Variants in KBTBD2 observed in about 807,000 individuals in gnomAD.
KBTBD2 encodes the protein kelch repeat and BTB domain-containing protein 2.
Under a neutral mutation model 57.1 loss-of-function variants are expected in KBTBD2, and 17 were observed. That is an observed-to-expected ratio of 0.30 (90% CI 0.20 to 0.45). KBTBD2 has a LOEUF of 0.45. Among genes scored for constraint, KBTBD2 ranks in the 20% least tolerant of loss-of-function variants. The probability of loss-of-function intolerance (pLI) is 1.00; values close to 1 mark genes in which losing one functional copy is unlikely to be tolerated. For synonymous variants in KBTBD2, 267 were observed against 262.7 expected (o/e 1.02, Z -0.16); for missense variants, 515 against 750.6 (o/e 0.69, Z 3.67).
At chr7:32,889,531 G>A (rs1317457426) in intron 1 of KBTBD2, among the ~76,000 whole-genome samples, 1 of 152,014 alleles carries the variant, frequency 6.6e-6, no homozygotes. Context: ...AACCCTGAAG[G>A]CGGAGGTTGC....
At chr7:32,891,882 C>T (rs1334837580), upstream of KBTBD2, 3 of 127,374 alleles carry the variant, frequency 2.4e-5, no homozygotes, top group African/African-American at 9.0e-5. Context: ...GGGCCCGCCG[C>T]CCCCGCCGCC....
chr7:32,890,353 C>T (rs978921908), intron 1 of KBTBD2, among the ~76,000 whole-genome samples: 1 of 152,188 alleles, frequency 6.6e-6, no homozygotes. Flanking sequence ...TAGAAAACAA[C>T]CGACTGGCTT....
At position 32,884,995 on chromosome 7, in the gene KBTBD2, T is replaced by C. The variant is rs544437360; in HGVS notation, c.-338-5053A>G. Among the ~76,000 whole-genome samples the C allele has an allele frequency of 1.3e-3, 99 of 76,730 alleles. 1 individual carries two copies. The highest frequency in any genetic ancestry group is 4.1e-3 in the South Asian group (8 of 1,964). The allele number at this position is 76,730 out of a possible 152,430, so 50.3% of individuals were successfully genotyped here. ...GTGTGTGTATATATATATATACACA[T>C]ATATGTGTATATATATATATATACA... On this transcript the variant is annotated intron_variant, in intron 1 of 3. Transcript: ENST00000304056.
chr7:32,870,751 C>G lies in KBTBD2; in HGVS notation c.466G>C (p.Val156Leu), dbSNP rs1318261254. ...EELKQSAKRMVEHKFTAVYHQ... is the reference protein window; with the variant it reads ...EELKQSAKRMLEHKFTAVYHQ... Reference sequence around the variant, plus strand: ...TACACAGCAGTGAACTTGTGCTCCACCATTCTTTTAGCACTCTGTTTTAAT... The same window carrying G: ...TACACAGCAGTGAACTTGTGCTCCAGCATTCTTTTAGCACTCTGTTTTAAT... Residue 156 changes from valine (V) to leucine (L), a missense_variant, in exon 4 of 4, where the codon GTG (valine) becomes CTG (leucine). Transcript: ENST00000304056. 5 of 1,614,054 alleles carry G rather than the reference C, an allele frequency of 3.1e-6. No individual in the cohort carries two copies. In the African/African-American group the frequency reaches 5.3e-5, roughly 17 times the overall value.
chr7:32,888,477 TTTG>T (rs933821913), intron 1 of KBTBD2, among the ~76,000 whole-genome samples: 2 of 152,152 alleles, frequency 1.3e-5, no homozygotes, highest in African/African-American at 4.8e-5. Flanking sequence ...GAAAAGACCA[TTTG>T]TTTTTTAGAT....
rs1287318558 is a variant in KBTBD2, at chr7:32,869,878, C to T, written c.1339G>A (p.Asp447Asn). ...CTCATGGCCATTTCTACCCATGAGT[C>T]AGACCTTGGAAAATAACAGTACATG... ...NLMYCYFPRS[D>N]SWVEMAMRQT... The change falls in exon 4 of 4, where the codon GAC becomes AAC. Residue 447 changes from aspartate to asparagine, a missense_variant. By Grantham distance (23) the Asp-to-Asn change is conservative. Transcript: ENST00000304056. The T allele has an allele frequency of 6.2e-7, 1 of 1,613,754 alleles. No individual in the cohort carries two copies. Among genetic ancestry groups the T allele is most frequent in the East Asian group, 2.2e-5 (1 of 44,882 alleles).
At chr7:32,883,253 C>G (rs1231054605) in intron 1 of KBTBD2, among the ~76,000 whole-genome samples, 1 of 152,082 alleles carries the variant, frequency 6.6e-6, no homozygotes, top group African/African-American at 2.4e-5. Context: ...TGGCTCATGC[C>G]TGTAATACTA....
intron 1 of KBTBD2, among the ~76,000 whole-genome samples, chr7:32,889,859 T>C (rs1583796843): frequency 6.6e-6 from 1 of 152,206 alleles, no homozygotes; most frequent in Non-Finnish European, 1.5e-5. Context: ...CATTTGGCTT[T>C]TAAGACTGCA....
At position 32,868,526 on chromosome 7, in the gene KBTBD2, T is replaced by A. The variant is rs979325293; in HGVS notation, c.*819A>T. The A allele has an allele frequency of 6.6e-6, 1 of 152,618 alleles. No individual in the cohort carries two copies. Among genetic ancestry groups the A allele is most frequent in the Non-Finnish European group, 1.5e-5 (1 of 68,044 alleles). The allele number at this position is 152,618 out of a possible 1,614,324, so 9.5% of individuals were successfully genotyped here. A position where few individuals can be genotyped will look rare whatever the true frequency, so the allele number is the denominator to read the frequency against. On this transcript the variant is annotated 3_prime_UTR_variant, in exon 4 of 4. Coordinates refer to ENST00000304056, the MANE Select transcript of KBTBD2 (RefSeq NM_015483.3). ...AGATGTAATGACCTGGTTAACCCAC[T>A]CTAAATCTTGAAGATGGAGAACTAC...
At chr7:32,875,830 G>A (rs562770840) in intron 2 of KBTBD2, among the ~76,000 whole-genome samples, 4 of 152,102 alleles carry the variant, frequency 2.6e-5, no homozygotes, top group South Asian at 4.2e-4. Flanking sequence ...TATATAAAAC[G>A]TCTAAAAAAG....
chr7:32,869,837 G>A lies in KBTBD2; in HGVS notation c.1380C>T (p.Ser460=), dbSNP rs757292018. Reference sequence around the variant, plus strand: ...CACCAAAAGCTGCAGCTGAAGCAAAGGACCTACTAGTCTGTCTCATGGCCA... The same window carrying A: ...CACCAAAAGCTGCAGCTGAAGCAAAAGACCTACTAGTCTGTCTCATGGCCA... ...VEMAMRQTSR[S]FASAAAFGDK... The change falls in exon 4 of 4, where the codon TCC becomes TCT. Residue 460 remains serine, a synonymous_variant. Transcript: ENST00000304056. 3 of 1,613,626 alleles carry A rather than the reference G, an allele frequency of 1.9e-6. No individual in the cohort carries two copies. The Admixed American group carries it at 5.0e-5, about 27-fold the overall frequency.
At chr7:32,876,940 A>G (rs796767811) in intron 2 of KBTBD2, among the ~76,000 whole-genome samples, 1 of 152,134 alleles carries the variant, frequency 6.6e-6, no homozygotes, top group South Asian at 2.1e-4. Context: ...CCGGGCAACA[A>G]AAGTGAAACT....
At position 32,870,338 on chromosome 7, in the gene KBTBD2, T is replaced by G; in HGVS notation, c.879A>C (p.Glu293Asp). 1 of 1,613,784 alleles carries G rather than the reference T, an allele frequency of 6.2e-7. No homozygotes were observed. Among genetic ancestry groups the G allele is most frequent in the Non-Finnish European group, 8.5e-7 (1 of 1,179,860 alleles). The stretch of plus-strand genomic sequence containing the variant: ...GTGGGCTACATAACTTGTAAACTTT[T>G]TCTGCTTGGGGGCTGTAACAGACAG... ...YSSVCYSPQA[E>D]KVYKLCSPPA... Residue 293 changes from glutamate to aspartate, a missense_variant, in exon 4 of 4, where the codon GAA becomes GAC. By Grantham distance (45) the Glu-to-Asp change is conservative. Coordinates refer to ENST00000304056, the MANE Select transcript of KBTBD2 (RefSeq NM_015483.3).
Position 32,876,754 on chromosome 7 carries a change from G to A in KBTBD2, c.171-1597C>T, listed in dbSNP as rs144895370. On this transcript the variant is annotated intron_variant, in intron 2 of 3. Transcript: ENST00000304056. ...GCAGATCATCTTAGGCCAGGAGCTC[G>A]ACACTAGCCTGGCCAACATGGTGAA... Among the ~76,000 whole-genome samples, 101 of 152,180 alleles carry A rather than the reference G, an allele frequency of 6.6e-4. 1 individual carries two copies. Among genetic ancestry groups the A allele is most frequent in the African/African-American group, 2.4e-3 (99 of 41,522 alleles).
intron 1 of KBTBD2, among the ~76,000 whole-genome samples, chr7:32,880,891 AG>A (rs1399483104): frequency 6.6e-6 from 1 of 152,104 alleles, no homozygotes; most frequent in East Asian, 1.9e-4. Flanking sequence ...TCACAACGTC[AG>A]GAGTTCGAGA....
At chr7:32,876,111 T>C (rs1248601707) in intron 2 of KBTBD2, among the ~76,000 whole-genome samples, 1 of 152,162 alleles carries the variant, frequency 6.6e-6, no homozygotes. Flanking sequence ...AAAAATCTAT[T>C]ATATACAGGA....
intron 3 of KBTBD2, among the ~76,000 whole-genome samples, chr7:32,873,503 G>C (rs559322050): frequency 6.6e-6 from 1 of 152,160 alleles, no homozygotes; most frequent in Non-Finnish European, 1.5e-5. Context: ...GGAGGCCAAG[G>C]CGGGTGGATC....
chr7:32,880,167 C>G (rs2127953520), intron 1 of KBTBD2, among the ~76,000 whole-genome samples: 1 of 152,164 alleles, frequency 6.6e-6, no homozygotes, highest in East Asian at 1.9e-4. Context: ...GCCTTCTATA[C>G]AAAATATAAC....
Position 32,868,736 on chromosome 7 carries a change from G to A in KBTBD2, c.*609C>T, listed in dbSNP as rs1428825850. 1 of 152,638 alleles carries A rather than the reference G, an allele frequency of 6.6e-6. No homozygotes were observed. The highest frequency in any genetic ancestry group is 2.4e-5 in the African/African-American group (1 of 41,446). The allele number at this position is 152,638 out of a possible 1,614,324, so 9.5% of individuals were successfully genotyped here. A position where few individuals can be genotyped will look rare whatever the true frequency, so the allele number is the denominator to read the frequency against. ...GACTGGAAGACCTGTATTCTAGATA[G>A]ACAAGTATAAGTTAGTGAAAAGAGA... On this transcript the variant is annotated 3_prime_UTR_variant, in exon 4 of 4. Coordinates refer to ENST00000304056, the MANE Select transcript of KBTBD2 (RefSeq NM_015483.3).
Sources: gnomAD v4.1 joint callset for allele counts (sites outside exome capture counted in the v4.1 genomes callset) on GRCh38, gnomAD v4.1.1 for gene constraint, MANE v1.5 for transcripts, NCBI Gene and HGNC (gene_info 2026-07-23, HGNC 2026-07-21) for gene names.